Variants in COL21A1 observed in about 807,000 individuals in gnomAD.
COL21A1 encodes collagen alpha-1(XXI) chain.
COL21A1 carries 149 observed loss-of-function variants against 137.9 expected under a neutral mutation model. That is an observed-to-expected ratio of 1.08 (90% CI 0.95 to 1.24). COL21A1 has a LOEUF of 1.24. Ranked by LOEUF, COL21A1 falls within the 50% of genes most tolerant of loss-of-function variation. The pLI is 0.00. For synonymous variants in COL21A1, 456 were observed against 391.5 expected (o/e 1.16, Z -1.95); for missense variants, 1,167 against 1,158.4 (o/e 1.01, Z -0.11).
intron 1 of COL21A1, among the ~76,000 whole-genome samples, chr6:56,211,159 G>GTGTGTATATGTATATATACATATATA (rs1273795184): frequency 2.4e-5 from 2 of 85,040 alleles, no homozygotes; most frequent in Non-Finnish European, 4.8e-5. Flanking sequence ...TGTAAATTTT[G>GTGTGTATATGTATATATACATATATA]TGTGTATATG....
intron 1 of COL21A1, among the ~76,000 whole-genome samples, chr6:56,332,476 ATT>A (rs57492933): frequency 0.1 from 15,152 of 149,896 alleles, 873 homozygotes; most frequent in Non-Finnish European, 0.13. Flanking sequence ...TGGGTAAAAC[ATT>A]TTTTTTTTTT....
At position 56,391,968 on chromosome 6, in the gene COL21A1, C is replaced by T. The variant is rs574547943; in HGVS notation, c.-39+2003G>A. On this transcript the variant is annotated intron_variant, in intron 1 of 28. Transcript: ENST00000370819. ...AATACTAATCCTACTCAAACTATTC[C>T]CCAAAATCAGGAAGGGAATACTTCC... Among the ~76,000 whole-genome samples the T allele has an allele frequency of 2.6e-5, 4 of 152,184 alleles. No individual in the cohort carries two copies. In the East Asian group the frequency reaches 7.7e-4, roughly 29 times the overall value.
chr6:56,213,616 T>C (rs527566012), intron 1 of COL21A1, among the ~76,000 whole-genome samples: 9 of 152,058 alleles, frequency 5.9e-5, no homozygotes, highest in Non-Finnish European at 8.8e-5. Context: ...GGTTAAATAA[T>C]AAGTATCAAG....
intron 1 of COL21A1, among the ~76,000 whole-genome samples, chr6:56,361,705 C>T (rs1024575891): frequency 6.6e-6 from 1 of 151,644 alleles, no homozygotes; most frequent in Admixed American, 6.6e-5. Flanking sequence ...AAAAAAAAAT[C>T]AAAAAGTCAA....
rs866686352 is a variant in COL21A1, at chr6:56,077,536, C to T, written c.1850G>A (p.Gly617Asp). The T allele has an allele frequency of 6.3e-7, 1 of 1,575,364 alleles. No homozygotes were observed. Among genetic ancestry groups the T allele is most frequent in the Non-Finnish European group, 8.6e-7 (1 of 1,159,064 alleles). Residue 617 changes from glycine (G) to aspartate (D), a missense_variant, in exon 18 of 30, where the codon GGC (glycine) becomes GAC (aspartate). By Grantham distance (94) the Gly-to-Asp change is moderately conservative. Coordinates refer to ENST00000244728, the MANE Select transcript of COL21A1 (RefSeq NM_030820.4). ...ACTCTCATGAATACTTACCTTTTGG[C>T]CCATTAATCCTCGGTTTCCAGGAAA... Reference protein sequence around the residue: ...PGFPGNRGLMGQKGEIGPPGQ... With the variant: ...PGFPGNRGLMDQKGEIGPPGQ...
At chr6:56,170,003 G>A (rs1776906058) in intron 5 of COL21A1, among the ~76,000 whole-genome samples, 1 of 151,790 alleles carries the variant, frequency 6.6e-6, no homozygotes, top group Middle Eastern at 3.4e-3. Flanking sequence ...TATGGCTTTA[G>A]ACTATCATAA....
At chr6:56,139,504 C>T (rs1378822497) in intron 12 of COL21A1, among the ~76,000 whole-genome samples, 1 of 151,148 alleles carries the variant, frequency 6.6e-6, no homozygotes, top group Non-Finnish European at 1.5e-5. Flanking sequence ...TGCACATACA[C>T]ACACACACAC....
chr6:56,235,835 A>G (rs1244259461), intron 1 of COL21A1, among the ~76,000 whole-genome samples: 2 of 151,980 alleles, frequency 1.3e-5, no homozygotes, highest in African/African-American at 4.8e-5. Flanking sequence ...CAAAAAAAAA[A>G]TCTTAACTGA....
At chr6:56,183,268 C>T (rs1434120435) in intron 1 of COL21A1, among the ~76,000 whole-genome samples, 3 of 152,064 alleles carry the variant, frequency 2.0e-5, no homozygotes, top group Non-Finnish European at 4.4e-5. Context: ...AGATAAAGTA[C>T]AAATTCATAT....
At position 56,057,787 on chromosome 6, in the gene COL21A1, G is replaced by A; in HGVS notation, c.2744C>T (p.Pro915Leu). The A allele has an allele frequency of 5.0e-6, 8 of 1,604,150 alleles. No individual in the cohort carries two copies. Among genetic ancestry groups the A allele is most frequent in the Non-Finnish European group, 8.5e-7 (1 of 1,175,546 alleles). ...TTTTCCATGGTCTCCATCTTTGCCA[G>A]GGAGACCTGGGTCTCCTGGAGGACC... ...KEGPPGDPGL[P>L]GKDGDHGKPG... Residue 915 changes from proline to leucine, a missense_variant, in exon 30 of 30, where the codon CCT (proline) becomes CTT (leucine). Coordinates refer to ENST00000244728, the MANE Select transcript of COL21A1 (RefSeq NM_030820.4).
intron 1 of COL21A1, among the ~76,000 whole-genome samples, chr6:56,374,675 T>G (rs1280288879): frequency 1.5e-5 from 2 of 130,708 alleles, no homozygotes; most frequent in Non-Finnish European, 3.1e-5. Context: ...TGAGCCAAGA[T>G]CGCATCACTG....
At chr6:56,130,830 A>C (rs1773502244) in intron 12 of COL21A1, among the ~76,000 whole-genome samples, 1 of 152,226 alleles carries the variant, frequency 6.6e-6, no homozygotes, top group African/African-American at 2.4e-5. Context: ...ATATTGAAAC[A>C]GTATGTACAA....
chr6:56,127,505 T>C (rs1251460170), intron 12 of COL21A1, among the ~76,000 whole-genome samples: 1 of 152,170 alleles, frequency 6.6e-6, no homozygotes, highest in Non-Finnish European at 1.5e-5. Context: ...CTGAGTTCAT[T>C]ATCTTGTTTA....
intron 1 of COL21A1, among the ~76,000 whole-genome samples, chr6:56,186,359 T>C (rs1778300593): frequency 6.6e-6 from 1 of 152,214 alleles, no homozygotes; most frequent in Non-Finnish European, 1.5e-5. Flanking sequence ...CCTATGAATG[T>C]GAATGCTGTC....
intron 3 of COL21A1, among the ~76,000 whole-genome samples, chr6:56,174,727 A>G (rs1582558770): frequency 6.6e-6 from 1 of 152,238 alleles, no homozygotes; most frequent in African/African-American, 2.4e-5. Context: ...ATTCTACCAG[A>G]CATTTAAAGA....
At chr6:56,296,793 T>A (rs1302006721) in intron 1 of COL21A1, among the ~76,000 whole-genome samples, 1 of 151,982 alleles carries the variant, frequency 6.6e-6, no homozygotes, top group Non-Finnish European at 1.5e-5. Context: ...CCCACAAGTG[T>A]CCATAAAACA....
intron 1 of COL21A1, among the ~76,000 whole-genome samples, chr6:56,253,091 C>T (rs1582733958): frequency 6.6e-6 from 1 of 152,186 alleles, no homozygotes; most frequent in Non-Finnish European, 1.5e-5. Context: ...TTCATTACAA[C>T]AATCATTCTC....
chr6:56,159,519 G>A (rs1235338309), intron 9 of COL21A1, among the ~76,000 whole-genome samples: 1 of 151,854 alleles, frequency 6.6e-6, no homozygotes, highest in Non-Finnish European at 1.5e-5. Context: ...TTTTAGTAGA[G>A]ACAGGGTTTC....
At chr6:56,130,165 T>TATATATATA (rs1773409432) in intron 12 of COL21A1, among the ~76,000 whole-genome samples, 1 of 107,940 alleles carries the variant, frequency 9.3e-6, no homozygotes, top group East Asian at 2.4e-4. Flanking sequence ...TGACAGGGTT[T>TATATATATA]TATATATATA....
Sources: allele counts gnomAD v4.1 joint callset (sites outside exome capture counted in the v4.1 genomes callset), GRCh38; gene constraint gnomAD v4.1.1; transcripts MANE v1.5; gene names NCBI Gene and HGNC (gene_info 2026-07-23, HGNC 2026-07-21).